The following KLC4 variants were observed in gnomAD, a reference collection of about 807,000 sequenced individuals.
KLC4 encodes the protein kinesin light chain 4.
A neutral mutation model predicts 77.2 loss-of-function variants in KLC4; 49 were observed. That is an observed-to-expected ratio of 0.63 (90% CI 0.50 to 0.80). KLC4 has a LOEUF of 0.80. KLC4 is among the 30% of genes least tolerant of loss of function. KLC4 has a pLI of 0.00. For synonymous variants in KLC4, 274 were observed against 314.5 expected (o/e 0.87, Z 1.36); for missense variants, 669 against 793.5 (o/e 0.84, Z 1.89).
chr6:43,074,808 C>A lies in KLC4; in HGVS notation c.*136C>A, dbSNP rs1765910525. ...CAGTTTAACCAGAAGATTGCTGCTG[C>A]CCTTAGGGTCTCAGCTCCCTCCTCA... On this transcript the variant is annotated 3_prime_UTR_variant, in exon 16 of 16. Transcript: ENST00000347162. 1.4e-6 allele frequency: 1 copy of A among 724,808 alleles called. No individual in the cohort carries two copies. 44.9% of individuals were successfully genotyped at this position (724,808 alleles called of 1,614,324 possible).
chr6:43,070,606 A>T, intron 7 of KLC4, 86 bp from the exon 8 acceptor site: 4 of 1,467,034 alleles, frequency 2.7e-6, no homozygotes, highest in East Asian at 2.3e-5. Flanking sequence ...TGCTTTCCAC[A>T]TGTGTGTGCC....
Position 43,066,387 on chromosome 6 carries a change from T to A in KLC4, c.653T>A (p.Val218Glu), listed in dbSNP as rs886699742. Residue 218 changes from valine (V) to glutamate (E), a missense_variant, in exon 5 of 16, where the codon GTG becomes GAG. Physicochemically the swap from Val to Glu is moderately radical, Grantham distance 121. Coordinates refer to ENST00000347162, the MANE Select transcript of KLC4 (RefSeq NM_201521.3). Reference sequence around the variant, plus strand: ...AGGTTGCGGACGTTGCACAACCTGGTGATCCAGTACGCAGCCCAAGGTCGC... The same window carrying A: ...AGGTTGCGGACGTTGCACAACCTGGAGATCCAGTACGCAGCCCAAGGTCGC... Reference protein sequence around the residue: ...PARLRTLHNLVIQYAAQGRYE... With the variant: ...PARLRTLHNLEIQYAAQGRYE... 1.2e-6 allele frequency: 2 copies of A among 1,614,184 alleles called. No homozygotes were observed. Among genetic ancestry groups the A allele is most frequent in the Non-Finnish European group, 1.7e-6 (2 of 1,180,036 alleles).
Position 43,067,101 on chromosome 6 carries a change from T to TCCCCCCCCCCCCCCCC in KLC4, c.879+22_879+23insCCCCCCCCCCCCCCCC. 6.3e-7 allele frequency: 1 copy of TCCCCCCCCCCCCCCCC among 1,584,716 alleles called. No homozygotes were observed. The highest frequency in any genetic ancestry group is 8.7e-7 in the Non-Finnish European group (1 of 1,155,630). The stretch of plus-strand genomic sequence containing the variant: ...ATCCTGCTGTCAGTATTCCTTGCCC[T>TCCCCCCCCCCCCCCCC]CCCCACCCCACGCCCCGCACCCCCC... On this transcript the variant is annotated intron_variant, in intron 6 of 15. Coordinates refer to ENST00000347162, the MANE Select transcript of KLC4 (RefSeq NM_201521.3).
intron 13 of KLC4, 66 bp downstream of exon 13, chr6:43,073,030 G>A (rs1765806585): frequency 6.6e-7 from 1 of 1,524,660 alleles, no homozygotes; most frequent in Non-Finnish European, 8.8e-7. Context: ...AGAGGCTCTT[G>A]GCCATGCTGT....
Position 43,062,976 on chromosome 6 carries a change from G to T in KLC4, c.318G>T (p.Arg106=), listed in dbSNP as rs534500833. The change falls in exon 3 of 16, where the codon CGG becomes CGT. Residue 106 remains arginine (R), a synonymous_variant. Transcript: ENST00000347162. ...TGGAGTCGGAGAAACAGAAGCTGCG[G>T]GCTCAGGTGCGGCGGCTATGCCAGG... The part of the protein sequence containing the change: ...STVESEKQKL[R]AQVRRLCQEN... 3 of 1,614,114 alleles carry T rather than the reference G, an allele frequency of 1.9e-6. No homozygotes were observed. Among genetic ancestry groups the T allele is most frequent in the Non-Finnish European group, 1.7e-6 (2 of 1,180,048 alleles).
chr6:43,065,965 G>A (rs999133436), intron 4 of KLC4, among the ~76,000 whole-genome samples: 1 of 152,240 alleles, frequency 6.6e-6, no homozygotes, highest in Non-Finnish European at 1.5e-5. Flanking sequence ...CCAGTAAGGA[G>A]TTCACAGTCT....
At chr6:43,066,559 C>T in intron 5 of KLC4, 34 bp downstream of exon 5, 1 of 1,555,448 alleles carries the variant, frequency 6.4e-7, no homozygotes, top group African/African-American at 1.4e-5. Flanking sequence ...CCCAGATCTT[C>T]CCCCACATTC....
chr6:43,073,928 T>C lies in KLC4; in HGVS notation c.1772T>C (p.Leu591Ser), dbSNP rs751407784. Residue 591 changes from leucine (L) to serine (S), a missense_variant, in exon 15 of 16, where the codon TTG becomes TCG. By Grantham distance (145) the Leu-to-Ser change is moderately radical. Coordinates refer to ENST00000347162, the MANE Select transcript of KLC4 (RefSeq NM_201521.3). ...SSSNMKRAASLNYLNQPSAAP... is the reference protein window; with the variant it reads ...SSSNMKRAASSNYLNQPSAAP... ...AGCAACATGAAGCGAGCAGCCTCCT[T>C]GAACTATCTGAACCAACCTAGTGCA... 3.7e-6 allele frequency: 6 copies of C among 1,613,786 alleles called. No homozygotes were observed. The highest frequency in any genetic ancestry group is 5.1e-6 in the Non-Finnish European group (6 of 1,179,816).
chr6:43,067,872 G>A (rs186669647), intron 6 of KLC4, among the ~76,000 whole-genome samples: 1,534 of 125,142 alleles, frequency 0.012, 156 homozygotes, highest in Non-Finnish European at 0.016. Flanking sequence ...CAGCACTTTG[G>A]GAGGCCGAGG....
rs1765237145 is a variant in KLC4, at chr6:43,062,979, T to C, written c.321T>C (p.Ala107=). 1 of 1,614,202 alleles carries C rather than the reference T, an allele frequency of 6.2e-7. No individual in the cohort carries two copies. Among genetic ancestry groups the C allele is most frequent in the Non-Finnish European group, 8.5e-7 (1 of 1,180,030 alleles). The change falls in exon 3 of 16, where the codon GCT becomes GCC. Residue 107 remains alanine, a synonymous_variant. Transcript: ENST00000347162. ...TVESEKQKLR[A]QVRRLCQENQ... ...AGTCGGAGAAACAGAAGCTGCGGGCTCAGGTGCGGCGGCTATGCCAGGAGA... is the reference window on the plus strand; with the variant it reads ...AGTCGGAGAAACAGAAGCTGCGGGCCCAGGTGCGGCGGCTATGCCAGGAGA...
intron 2 of KLC4, 36 bp from the exon 3 acceptor site, chr6:43,062,881 C>A: frequency 2.5e-6 from 4 of 1,578,382 alleles, no homozygotes; most frequent in Non-Finnish European, 3.5e-6. Context: ...AATACTCCCA[C>A]CCAGAATCTG....
Position 43,074,224 on chromosome 6 carries a change from A to G in KLC4, c.1809+259A>G, listed in dbSNP as rs1765865266. 3 of 464,152 alleles carry G rather than the reference A, an allele frequency of 6.5e-6. No individual in the cohort carries two copies. The Admixed American group carries it at 1.2e-4, about 18-fold the overall frequency. 28.8% of individuals were successfully genotyped at this position (464,152 alleles called of 1,614,324 possible). ...ATATTCTGTAAACTGGTACTTTGGA[A>G]TTATGAATAATTTAAGAATTATTTG... On this transcript the variant is annotated intron_variant, in intron 15 of 15. Transcript: ENST00000347162.
At chr6:43,062,630 G>A in intron 2 of KLC4, 1 of 461,102 alleles carries the variant, frequency 2.2e-6, no homozygotes, top group Non-Finnish European at 4.0e-6. Context: ...TCAGGTTGTT[G>A]GGTTACAAAT....
intron 14 of KLC4, chr6:43,073,541 G>C: frequency 1.9e-6 from 1 of 538,340 alleles, no homozygotes; most frequent in South Asian, 2.1e-5. Context: ...CAGCTACTTG[G>C]GAGGCTGAGG....
intron 8 of KLC4, 65 bp downstream of exon 8, chr6:43,070,930 G>GA (rs113432403): frequency 0.069 from 32,420 of 470,994 alleles, 3,092 homozygotes; most frequent in African/African-American, 0.31. Flanking sequence ...GGGGGGAGGG[G>GA]GGGCAGGCGG....
At position 43,065,105 on chromosome 6, in the gene KLC4, G is replaced by A. The variant is rs147857740; in HGVS notation, c.490-515G>A. 8.6e-5 allele frequency among the ~76,000 whole-genome samples: 13 copies of A among 151,486 alleles called. No homozygotes were observed. In the East Asian group the frequency reaches 2.1e-3, roughly 25 times the overall value. ...TTTTTTTGTTTTGAGACAGAGTTTCGCTCTTGTTGCCCAGGCTGGAGTGCA... is the reference window on the plus strand; with the variant it reads ...TTTTTTTGTTTTGAGACAGAGTTTCACTCTTGTTGCCCAGGCTGGAGTGCA... On this transcript the variant is annotated intron_variant, in intron 3 of 15. Coordinates refer to ENST00000347162, the MANE Select transcript of KLC4 (RefSeq NM_201521.3).
chr6:43,059,704 C>G lies in KLC4; in HGVS notation c.-26+19C>G, dbSNP rs181359651. Reference sequence around the variant, plus strand: ...ATTGCAGGTGAGTCTTTGAGGGTATCCTGGGGCTGAAGGTTAAGGTCTCTG... The same window carrying G: ...ATTGCAGGTGAGTCTTTGAGGGTATGCTGGGGCTGAAGGTTAAGGTCTCTG... On this transcript the variant is annotated intron_variant, in intron 1 of 15. Transcript: ENST00000347162. 1 of 1,293,282 alleles carries G rather than the reference C, an allele frequency of 7.7e-7. No homozygotes were observed. The highest frequency in any genetic ancestry group is 9.8e-7 in the Non-Finnish European group (1 of 1,020,618). 80.1% of individuals were successfully genotyped at this position (1,293,282 alleles called of 1,614,324 possible). A position where few individuals can be genotyped will look rare whatever the true frequency, so the allele number is the denominator to read the frequency against.
At chr6:43,062,492 C>T (rs146402973) in intron 2 of KLC4, 2,971 of 176,778 alleles carry the variant, frequency 0.017, 39 homozygotes, top group Middle Eastern at 0.039. Context: ...GATCCACCCG[C>T]CTTGGCCTCC....
chr6:43,067,283 T>C (rs1414734391), intron 6 of KLC4, 200 bp downstream of exon 6: 8 of 1,237,568 alleles, frequency 6.5e-6, no homozygotes, highest in African/African-American at 4.6e-5. Flanking sequence ...GACTCCTTTT[T>C]ATAACAAATA....
Sources: gnomAD v4.1 joint callset for allele counts (sites outside exome capture counted in the v4.1 genomes callset) on GRCh38, gnomAD v4.1.1 for gene constraint, MANE v1.5 for transcripts, NCBI Gene and HGNC (gene_info 2026-07-23, HGNC 2026-07-21) for gene names.